The following CASZ1 variants were observed in gnomAD, a reference collection of about 807,000 sequenced individuals.
The protein encoded by CASZ1 is zinc finger protein castor homolog 1.
Under a neutral mutation model 135.2 loss-of-function variants are expected in CASZ1, and 28 were observed. That is an observed-to-expected ratio of 0.21 (90% confidence interval 0.15 to 0.28). The LOEUF (loss-of-function observed/expected upper bound fraction) is 0.28. Ranked by LOEUF, CASZ1 falls within the 10% of genes least tolerant of loss-of-function variation. The probability of loss-of-function intolerance (pLI) is 1.00; values close to 1 mark genes in which losing one functional copy is unlikely to be tolerated. For synonymous variants in CASZ1, 1,068 were observed against 1,073.4 expected, an observed-to-expected ratio of 0.99 and a Z score of 0.10; for missense variants, 2,161 against 2,453.3, an observed-to-expected ratio of 0.88 and a Z score of 2.52.
intron 2 of CASZ1, among the ~76,000 whole-genome samples, chr1:10,733,620 T>G (rs1462862530): frequency 6.6e-6 from 1 of 152,136 alleles, no homozygotes; most frequent in Non-Finnish European, 1.5e-5. Flanking sequence ...ACTGTAAAGC[T>G]GTGGGAATAT....
chr1:10,637,236 C>G lies in CASZ1; in HGVS notation c.*1706G>C, dbSNP rs986673340. The G allele has an allele frequency of 2.0e-5, 3 of 151,592 alleles. No individual in the cohort carries two copies. Among genetic ancestry groups the G allele is most frequent in the African/African-American group, 7.3e-5 (3 of 41,090 alleles). The allele number at this position is 151,592 out of a possible 1,614,324, so 9.4% of individuals were successfully genotyped here. ...CCCGGGGCCTGTGGCGGGTCACTGT[C>G]TGGGCAGATGCTCACAGCAGCACGT... On this transcript the variant is annotated 3_prime_UTR_variant, in exon 21 of 21. Transcript: ENST00000377022.
intron 5 of CASZ1, 124 bp from the exon 6 acceptor site, chr1:10,660,660 G>A (rs773289416): frequency 3.0e-6 from 2 of 668,738 alleles, no homozygotes; most frequent in Admixed American, 2.9e-5. Flanking sequence ...AGCAGGACAC[G>A]ATCTATGGAC....
intron 2 of CASZ1, among the ~76,000 whole-genome samples, chr1:10,729,321 G>T (rs1639660607): frequency 6.6e-6 from 1 of 152,206 alleles, no homozygotes; most frequent in Admixed American, 6.5e-5. Context: ...CTGTGGGCCA[G>T]GAGCATGCAC....
rs1640066428 is a variant in CASZ1, at chr1:10,747,483, C to G, written c.-77+13218G>C. 6.6e-6 allele frequency among the ~76,000 whole-genome samples: 1 copy of G among 152,156 alleles called. No homozygotes were observed. Among genetic ancestry groups the G allele is most frequent in the African/African-American group, 2.4e-5 (1 of 41,424 alleles). ...TTCCACCCAGATGTCAGGGAAGAACCCTGGAGTAGAACACATCTCAGCACA... is the reference window on the plus strand; with the variant it reads ...TTCCACCCAGATGTCAGGGAAGAACGCTGGAGTAGAACACATCTCAGCACA... On this transcript the variant is annotated intron_variant, in intron 2 of 20. Coordinates refer to ENST00000377022, the MANE Select transcript of CASZ1 (RefSeq NM_001079843.3). This position sits in a 1 kb window ranked among gnomAD's most constrained non-coding sequence, Gnocchi z 4.3.
At chr1:10,795,221 G>T (rs1641042156) in intron 1 of CASZ1, among the ~76,000 whole-genome samples, 1 of 150,714 alleles carries the variant, frequency 6.6e-6, no homozygotes. Context: ...CGCGCCCCCT[G>T]GATCCCCGCT....
chr1:10,718,749 C>T (rs887454835), intron 2 of CASZ1, among the ~76,000 whole-genome samples: 1 of 152,254 alleles, frequency 6.6e-6, no homozygotes, highest in Non-Finnish European at 1.5e-5. Flanking sequence ...CACAACGTCT[C>T]CACTGGCATC....
intron 1 of CASZ1, among the ~76,000 whole-genome samples, chr1:10,787,811 G>A (rs371058448): frequency 1.7e-4 from 26 of 152,188 alleles, no homozygotes; most frequent in African/African-American, 5.1e-4. Context: ...GAATCCACCC[G>A]CCATTAACCC....
chr1:10,790,760 A>G (rs933249895), intron 1 of CASZ1, among the ~76,000 whole-genome samples: 3 of 152,180 alleles, frequency 2.0e-5, no homozygotes, highest in Non-Finnish European at 4.4e-5. Flanking sequence ...TTGTAAGGAC[A>G]CACACAAAAA....
In CASZ1 at chr1:10,732,046, C is replaced by T. The variant is rs139052380; in HGVS notation, c.-76-26502G>A. On this transcript the variant is annotated intron_variant, in intron 2 of 20. Transcript: ENST00000377022. Reference sequence around the variant, plus strand: ...ATCCATATATATAATCCATGCAGGCCAGGCATGATGACTCATGCCTGTAAT... The same window carrying T: ...ATCCATATATATAATCCATGCAGGCTAGGCATGATGACTCATGCCTGTAAT... Among the ~76,000 whole-genome samples, 898 of 151,866 alleles carry T rather than the reference C, an allele frequency of 5.9e-3. 8 individuals carry two copies. The highest frequency in any genetic ancestry group is 0.021 in the African/African-American group (856 of 41,422).
chr1:10,666,791 A>C lies in CASZ1; in HGVS notation c.17-1220T>G, dbSNP rs1643250671. 6.6e-6 allele frequency among the ~76,000 whole-genome samples: 1 copy of C among 152,200 alleles called. No individual in the cohort carries two copies. On this transcript the variant is annotated intron_variant, in intron 4 of 20. Coordinates refer to ENST00000377022, the MANE Select transcript of CASZ1 (RefSeq NM_001079843.3). The surrounding 1 kb of genome is among the most constrained non-coding windows in gnomAD (Gnocchi z 5.2). ...CAAAGGCTGGCGAGGGTGGACACAC[A>C]CACACGCACACACACGCGTGCACAC... is the stretch of plus-strand genomic sequence containing the variant.
chr1:10,646,089 C>G lies in CASZ1; in HGVS notation c.3696+39G>C, dbSNP rs773774161. 3.7e-6 allele frequency: 6 copies of G among 1,600,418 alleles called. No individual in the cohort carries two copies. In the South Asian group the frequency reaches 6.6e-5, roughly 18 times the overall value. On this transcript the variant is annotated intron_variant, in intron 17 of 20. Transcript: ENST00000377022. This position sits in a 1 kb window ranked among gnomAD's most constrained non-coding sequence, Gnocchi z 6.4. ...CTGAGCTAGCCCTGCACCTCCCTGC[C>G]CCCTACTCTGCCCCTGCGCCGTGTA...
chr1:10,640,601 C>T (rs1642171039), intron 20 of CASZ1, among the ~76,000 whole-genome samples: 1 of 152,214 alleles, frequency 6.6e-6, no homozygotes, highest in Non-Finnish European at 1.5e-5. Flanking sequence ...GGGGCTGCAA[C>T]TCCCTGCCCT....
chr1:10,639,055 G>A lies in CASZ1; in HGVS notation c.5167C>T (p.Leu1723=), dbSNP rs1642095321. 1 of 1,083,822 alleles carries A rather than the reference G, an allele frequency of 9.2e-7. No homozygotes were observed. The highest frequency in any genetic ancestry group is 1.1e-6 in the Non-Finnish European group (1 of 875,944). 67.1% of individuals were successfully genotyped at this position (1,083,822 alleles called of 1,614,324 possible). Residue 1723 remains leucine, a synonymous_variant, in exon 21 of 21, where the codon CTG becomes TTG. Coordinates refer to ENST00000377022, the MANE Select transcript of CASZ1 (RefSeq NM_001079843.3). The surrounding 1 kb of genome is among the most constrained non-coding windows in gnomAD (Gnocchi z 4.0). The part of the protein sequence containing the change: ...EDLRTDSEES[L]PEAAAEAAGA... ...GCCGCCTCCGCCGCCGCCTCGGGCA[G>A]CGACTCCTCCGAGTCGGTGCGCAGG... is the stretch of plus-strand genomic sequence containing the variant.
rs950188109 is a variant in CASZ1, at chr1:10,648,461, G to A, written c.3159-322C>T. 9.8e-6 allele frequency: 3 copies of A among 305,410 alleles called. No homozygotes were observed. The Admixed American group carries it at 1.3e-4, about 14-fold the overall frequency. The allele number at this position is 305,410 out of a possible 1,614,324, so 18.9% of individuals were successfully genotyped here. ...CTCTTCCTTCCAGAACCTGCTCGGA[G>A]GTCTTAAAGGTAGGATTCTCAGTAT... On this transcript the variant is annotated intron_variant, in intron 15 of 20. Coordinates refer to ENST00000377022, the MANE Select transcript of CASZ1 (RefSeq NM_001079843.3).
At chr1:10,773,831 G>A (rs548186319) in intron 1 of CASZ1, among the ~76,000 whole-genome samples, 16 of 152,172 alleles carry the variant, frequency 1.1e-4, no homozygotes, top group Non-Finnish European at 1.8e-4. Context: ...AAAATGGAGC[G>A]TCCTTCTAGT....
At chr1:10,640,419 C>G (rs973732780) in intron 20 of CASZ1, among the ~76,000 whole-genome samples, 6 of 152,206 alleles carry the variant, frequency 3.9e-5, no homozygotes, top group African/African-American at 1.4e-4. Context: ...TCTAGGTCGG[C>G]AGAGTGCAAT....
intron 1 of CASZ1, among the ~76,000 whole-genome samples, chr1:10,771,407 A>G (rs917797471): frequency 6.6e-6 from 1 of 151,958 alleles, no homozygotes; most frequent in Non-Finnish European, 1.5e-5. Flanking sequence ...TTGGATTTAT[A>G]TATTTATTTT....
At chr1:10,644,432 CCT>C (rs1197850451) in intron 18 of CASZ1, among the ~76,000 whole-genome samples, 5 of 152,232 alleles carry the variant, frequency 3.3e-5, no homozygotes, top group Admixed American at 6.5e-5. Flanking sequence ...CACCCCCACC[CCT>C]GTGACAGCAC....
chr1:10,679,427 G>A lies in CASZ1; in HGVS notation c.17-13856C>T, dbSNP rs184132045. Among the ~76,000 whole-genome samples, 5 of 152,244 alleles carry A rather than the reference G, an allele frequency of 3.3e-5. No homozygotes were observed. The highest frequency in any genetic ancestry group is 1.9e-4 in the East Asian group (1 of 5,168). On this transcript the variant is annotated intron_variant, in intron 4 of 20. Transcript: ENST00000377022. The surrounding 1 kb of genome is among the most constrained non-coding windows in gnomAD (Gnocchi z 4.7). ...AACGCCACCCAGGGCTCCCTCTGCC[G>A]ATTCCAGGCTGGAGTCATTGTTCAC...
Sources: allele counts gnomAD v4.1 joint callset (sites outside exome capture counted in the v4.1 genomes callset), GRCh38; gene constraint gnomAD v4.1.1; non-coding constraint Gnocchi (gnomAD v3.1); transcripts MANE v1.5; gene names NCBI Gene and HGNC (gene_info 2026-07-23, HGNC 2026-07-21).